The following C3orf70 variants were observed in gnomAD, a reference collection of about 807,000 sequenced individuals.
C3orf70 encodes chromosome 3 open reading frame 70, also known as UPF0524 protein C3orf70.
In C3orf70, 15 loss-of-function variants were observed where a neutral mutation model predicts 20.7. The ratio of observed to expected loss-of-function variants is 0.72; its 90% confidence interval spans 0.48 to 1.11. The LOEUF is 1.11. Ranked by LOEUF, C3orf70 falls within the 50% of genes most tolerant of loss-of-function variation. The pLI is 0.00. For synonymous variants in C3orf70, 161 were observed against 125.7 expected (o/e 1.28, Z -1.88); for missense variants, 332 against 317.6 (o/e 1.05, Z -0.34).
At chr3:185,113,895 T>C (rs566601470) in intron 1 of C3orf70, among the ~76,000 whole-genome samples, 2 of 152,184 alleles carry the variant, frequency 1.3e-5, no homozygotes, top group South Asian at 4.1e-4. Context: ...CTAAGTTGAT[T>C]GCTCTAAGAA....
At chr3:185,128,652 CA>C (rs1716463609) in intron 1 of C3orf70, among the ~76,000 whole-genome samples, 1 of 151,520 alleles carries the variant, frequency 6.6e-6, no homozygotes, top group African/African-American at 2.4e-5. Context: ...TCCAGAAAAA[CA>C]TAACTTTGTT....
At chr3:185,114,037 T>C (rs1716128572) in intron 1 of C3orf70, among the ~76,000 whole-genome samples, 1 of 152,046 alleles carries the variant, frequency 6.6e-6, no homozygotes, top group Non-Finnish European at 1.5e-5. Context: ...CTGTCTCTAC[T>C]AAAAACACAA....
At chr3:185,144,749 G>A (rs1334158282) in intron 1 of C3orf70, among the ~76,000 whole-genome samples, 2 of 152,226 alleles carry the variant, frequency 1.3e-5, no homozygotes, top group Non-Finnish European at 2.9e-5. Context: ...GGGATTACAG[G>A]CATGAGCCAC....
chr3:185,123,178 CA>C (rs34803531), intron 1 of C3orf70, among the ~76,000 whole-genome samples: 15,487 of 90,692 alleles, frequency 0.17, 837 homozygotes, highest in East Asian at 0.38. Flanking sequence ...GACTCCATCT[CA>C]AAAAAAAAAA....
rs139649690 is a variant in C3orf70, at chr3:185,083,079, C to T, written c.681G>A (p.Pro227=). ...AGGGGGAGAGAAGGGTGCACTCATC[C>T]GGTTCCCAGCTGCTCTCTGGACTGT... The part of the protein sequence containing the change: ...EDYSPESSWE[P]DECTLLSPSQ... The change falls in exon 2 of 2, where the codon CCG becomes CCA. Residue 227 remains proline (P), a synonymous_variant. Coordinates refer to ENST00000335012, the MANE Select transcript of C3orf70 (RefSeq NM_001025266.3). 2.7e-4 allele frequency: 440 copies of T among 1,614,038 alleles called. No homozygotes were observed. The highest frequency in any genetic ancestry group is 3.3e-4 in the Admixed American group (20 of 60,002).
chr3:185,126,223 C>A (rs1303025076), intron 1 of C3orf70, among the ~76,000 whole-genome samples: 1 of 152,178 alleles, frequency 6.6e-6, no homozygotes, highest in Non-Finnish European at 1.5e-5. Context: ...CTTAATTGGT[C>A]TCTTGAATTT....
chr3:185,090,115 C>T (rs1268395107), intron 1 of C3orf70, among the ~76,000 whole-genome samples: 1 of 152,190 alleles, frequency 6.6e-6, no homozygotes, highest in East Asian at 1.9e-4. Flanking sequence ...ATACCCATTA[C>T]TTAATGAGGT....
intron 1 of C3orf70, among the ~76,000 whole-genome samples, chr3:185,099,681 G>C (rs1036599141): frequency 2.0e-5 from 3 of 152,058 alleles, no homozygotes; most frequent in African/African-American, 7.3e-5. Context: ...CCAGCTAACA[G>C]CATGATAGCA....
chr3:185,123,431 A>C (rs769336797), intron 1 of C3orf70, among the ~76,000 whole-genome samples: 3 of 151,980 alleles, frequency 2.0e-5, no homozygotes, highest in African/African-American at 7.3e-5. Context: ...GGGTGACTAC[A>C]GTTACAAAGC....
chr3:185,131,286 T>C lies in C3orf70; in HGVS notation c.196+21342A>G, dbSNP rs550608389. Among the ~76,000 whole-genome samples the C allele has an allele frequency of 5.9e-5, 9 of 152,344 alleles. No individual in the cohort carries two copies. In the South Asian group the frequency reaches 1.9e-3, roughly 32 times the overall value. On this transcript the variant is annotated intron_variant, in intron 1 of 1. Coordinates refer to ENST00000335012, the MANE Select transcript of C3orf70 (RefSeq NM_001025266.3). ...TTACAGAAGCTGTTGTAATTTAACC[T>C]GTACATTAACTGTCAGAACTCTATG...
Position 185,083,528 on chromosome 3 carries a change from G to T in C3orf70, c.232C>A (p.Gln78Lys). Residue 78 changes from glutamine (Q) to lysine (K), a missense_variant, in exon 2 of 2, where the codon CAG becomes AAG. Transcript: ENST00000335012. ...YMYQPMTPVE[Q>K]LPSTEIPARP... ...GCAGGAATCTCAGTGCTTGGAAGCT[G>T]TTCCACAGGGGTCATAGGCTGATAC... 1 of 1,611,314 alleles carries T rather than the reference G, an allele frequency of 6.2e-7. No individual in the cohort carries two copies.
At chr3:185,116,781 A>ATT (rs34415840) in intron 1 of C3orf70, among the ~76,000 whole-genome samples, 19 of 143,598 alleles carry the variant, frequency 1.3e-4, no homozygotes, top group African/African-American at 4.1e-4. Context: ...AACCCTCTAC[A>ATT]TTTTTTTTTT....
At chr3:185,111,138 T>TA (rs1403970685) in intron 1 of C3orf70, among the ~76,000 whole-genome samples, 4 of 152,230 alleles carry the variant, frequency 2.6e-5, no homozygotes, top group African/African-American at 9.6e-5. Context: ...ACATAAGAGC[T>TA]AAAACTATAA....
chr3:185,104,736 A>C (rs932210486), intron 1 of C3orf70, among the ~76,000 whole-genome samples: 1 of 152,188 alleles, frequency 6.6e-6, no homozygotes, highest in Admixed American at 6.5e-5. Context: ...CAGAAAACCA[A>C]ATACCGCATG....
intron 1 of C3orf70, among the ~76,000 whole-genome samples, chr3:185,136,761 A>C (rs1716633810): frequency 7.0e-6 from 1 of 142,692 alleles, no homozygotes; most frequent in South Asian, 2.3e-4. Flanking sequence ...AACCCACAAA[A>C]ATTAGCCGGG....
intron 1 of C3orf70, among the ~76,000 whole-genome samples, chr3:185,144,712 T>A (rs1234534159): frequency 2.0e-5 from 1 of 49,952 alleles, no homozygotes; most frequent in Non-Finnish European, 4.9e-5. Context: ...CCTCAGGTGA[T>A]CCGCCTGCCT....
intron 1 of C3orf70, among the ~76,000 whole-genome samples, chr3:185,097,579 G>A (rs1340884296): frequency 4.6e-5 from 7 of 152,156 alleles, no homozygotes; most frequent in Non-Finnish European, 1.0e-4. Context: ...TAATTCCAGA[G>A]TGAAAAACTT....
At chr3:185,120,031 A>AG (rs72127600) in intron 1 of C3orf70, among the ~76,000 whole-genome samples, 12 of 149,254 alleles carry the variant, frequency 8.0e-5, no homozygotes, top group East Asian at 2.0e-4. Context: ...CAAAAAAAAA[A>AG]AAAAAAAGAA....
intron 1 of C3orf70, among the ~76,000 whole-genome samples, chr3:185,152,370 T>C (rs937184289): frequency 2.0e-5 from 3 of 152,122 alleles, no homozygotes; most frequent in African/African-American, 4.8e-5. Context: ...GACAGGGAGC[T>C]CCCTTTTGTA....
Sources: allele counts gnomAD v4.1 joint callset (sites outside exome capture counted in the v4.1 genomes callset), GRCh38; gene constraint gnomAD v4.1.1; transcripts MANE v1.5; gene names NCBI Gene and HGNC (gene_info 2026-07-23, HGNC 2026-07-21).